The following PKD1L1 variants were observed in gnomAD, a reference collection of about 807,000 sequenced individuals.
The protein encoded by PKD1L1 is polycystin 1 like 1, transient receptor potential channel interacting.
PKD1L1 carries 236 observed loss-of-function variants against 323.4 expected under a neutral mutation model. The ratio of observed to expected loss-of-function variants is 0.73; its 90% CI spans 0.66 to 0.81. The LOEUF is 0.81. Among genes scored for constraint, PKD1L1 ranks in the 40% least tolerant of loss-of-function variants. The pLI is 0.00. For missense variants in PKD1L1, 3,320 were observed against 3,508.0 expected, an observed-to-expected ratio of 0.95 and a Z score of 1.35; for synonymous variants, 1,344 against 1,335.0, an observed-to-expected ratio of 1.01 and a Z score of -0.15.
intron 15 of PKD1L1, among the ~76,000 whole-genome samples, chr7:47,893,101 G>A (rs1035954892): frequency 1.4e-4 from 21 of 151,800 alleles, no homozygotes; most frequent in Admixed American, 1.2e-3. Context: ...ATGGTGGCGC[G>A]CATCTGTAGT....
intron 17 of PKD1L1, among the ~76,000 whole-genome samples, chr7:47,887,333 C>T (rs1204698033): frequency 6.6e-6 from 1 of 152,194 alleles, no homozygotes; most frequent in Non-Finnish European, 1.5e-5. Context: ...AATAAAGCTC[C>T]TCTGTTTGCC....
chr7:47,795,816 C>G (rs1784511339), intron 55 of PKD1L1, among the ~76,000 whole-genome samples, 173 bp downstream of exon 55: 1 of 152,138 alleles, frequency 6.6e-6, no homozygotes, highest in South Asian at 2.1e-4. Flanking sequence ...TTTAGAATTG[C>G]ACGGGAAAAT....
intron 21 of PKD1L1, among the ~76,000 whole-genome samples, chr7:47,879,569 G>T (rs1258802463): frequency 7.1e-6 from 1 of 140,574 alleles, no homozygotes; most frequent in African/African-American, 2.7e-5. Context: ...GGAGGTGGAG[G>T]TTGCAGTGAG....
At chr7:47,943,201 T>C (rs535771275) in intron 2 of PKD1L1, among the ~76,000 whole-genome samples, 195 bp downstream of exon 2, 3 of 146,690 alleles carry the variant, frequency 2.0e-5, no homozygotes, top group African/African-American at 7.5e-5. Flanking sequence ...TATATATGTG[T>C]GTGTACCATC....
rs562867844 is a variant in PKD1L1, at chr7:47,793,124, C to T, written c.8356-327G>A. Among the ~76,000 whole-genome samples, 2 of 152,018 alleles carry T rather than the reference C, an allele frequency of 1.3e-5. 1 individual carries two copies. Among genetic ancestry groups the T allele is most frequent in the South Asian group, 4.2e-4 (2 of 4,788 alleles). ...GGAAAATAAGGTCATTCTTTCATCC[C>T]TTCGATTAATAAATCTTTATTGAGC... On this transcript the variant is annotated intron_variant, in intron 55 of 56. Transcript: ENST00000289672.
chr7:47,783,496 T>C lies in PKD1L1; in HGVS notation c.8527-8330A>G, dbSNP rs553612818. Among the ~76,000 whole-genome samples the C allele has an allele frequency of 1.7e-3, 253 of 152,366 alleles. 1 individual carries two copies. The highest frequency in any genetic ancestry group is 5.4e-3 in the African/African-American group (225 of 41,588). On this transcript the variant is annotated intron_variant, in intron 56 of 56. Transcript: ENST00000289672. ...TTAAATGTATTTGTTTTGGGTTGAA[T>C]TGTTCTTCCTCCAGAACAAAAAAGG...
At chr7:47,875,985 T>A in intron 23 of PKD1L1, 112 bp downstream of exon 23, 1 of 1,201,582 alleles carries the variant, frequency 8.3e-7, no homozygotes, top group Middle Eastern at 2.0e-4. Context: ...AGCATTAAAC[T>A]GATCAAGGTG....
intron 51 of PKD1L1, 106 bp from the exon 52 acceptor site, chr7:47,808,493 C>T: frequency 7.4e-7 from 1 of 1,355,822 alleles, no homozygotes; most frequent in Non-Finnish European, 1.0e-6. Context: ...CACTTAACTA[C>T]AGGGATGCCT....
chr7:47,861,281 T>C (rs528678136), intron 26 of PKD1L1, among the ~76,000 whole-genome samples: 72 of 152,144 alleles, frequency 4.7e-4, no homozygotes, highest in Admixed American at 9.8e-4. Flanking sequence ...CAAAAAGAAA[T>C]TACAAATCAA....
intron 7 of PKD1L1, among the ~76,000 whole-genome samples, chr7:47,920,415 A>G (rs1158528287): frequency 6.6e-6 from 1 of 152,236 alleles, no homozygotes; most frequent in African/African-American, 2.4e-5. Context: ...ATGGAAACAC[A>G]TCCCATGCTC....
chr7:47,808,213 C>T lies in PKD1L1; in HGVS notation c.7827+34G>A, dbSNP rs141060162. The T allele has an allele frequency of 1.4e-3, 2,220 of 1,611,364 alleles. 3 individuals are homozygous for T. The highest frequency in any genetic ancestry group is 1.8e-3 in the Non-Finnish European group (2,070 of 1,178,018). ...TTTTGGATGGCATCACAGTGCATGGCCTCTATCTGCATGGCCCTGAGCACA... is the reference window on the plus strand; with the variant it reads ...TTTTGGATGGCATCACAGTGCATGGTCTCTATCTGCATGGCCCTGAGCACA... On this transcript the variant is annotated intron_variant, in intron 52 of 56. Transcript: ENST00000289672.
rs559248483 is a variant in PKD1L1, at chr7:47,803,169, G to A, written c.7962+41C>T. 1.9e-4 allele frequency: 308 copies of A among 1,612,210 alleles called. 3 individuals are homozygous for A. In the South Asian group the frequency reaches 3.2e-3, roughly 17 times the overall value. On this transcript the variant is annotated intron_variant, in intron 53 of 56. Coordinates refer to ENST00000289672, the MANE Select transcript of PKD1L1 (RefSeq NM_138295.5). ...AGGCTGACGAGTACACAGATCAATG[G>A]TTTACAAGGGAAATCACCTGATAAA...
chr7:47,936,370 G>A (rs943273610), intron 4 of PKD1L1, among the ~76,000 whole-genome samples: 8 of 152,194 alleles, frequency 5.3e-5, no homozygotes, highest in South Asian at 4.2e-4. Flanking sequence ...TCCTTTCAGT[G>A]TCTATGAATG....
intron 54 of PKD1L1, among the ~76,000 whole-genome samples, chr7:47,797,563 C>T (rs974679238): frequency 6.6e-6 from 1 of 152,230 alleles, no homozygotes; most frequent in Admixed American, 6.5e-5. Context: ...CACCCAGAGA[C>T]CTCAATGCAA....
intron 45 of PKD1L1, among the ~76,000 whole-genome samples, chr7:47,822,902 ATTGAC>A: frequency 6.6e-6 from 1 of 150,506 alleles, no homozygotes; most frequent in Admixed American, 6.6e-5. Flanking sequence ...ACTTTTTTAT[ATTGAC>A]TTGTGTCTTG....
chr7:47,880,829 G>A, intron 20 of PKD1L1, 24 bp from the exon 21 acceptor site: 1 of 1,574,480 alleles, frequency 6.4e-7, no homozygotes, highest in South Asian at 1.1e-5. Flanking sequence ...ATGGCTGCAT[G>A]GAAATGACAG....
intron 43 of PKD1L1, 116 bp downstream of exon 43, chr7:47,829,924 C>G: frequency 6.1e-6 from 6 of 987,250 alleles, no homozygotes; most frequent in Non-Finnish European, 9.4e-6. Flanking sequence ...CCAACCACAG[C>G]TGAAATCAGG....
At position 47,809,528 on chromosome 7, in the gene PKD1L1, C is replaced by A. The variant is rs746091037; in HGVS notation, c.7631G>T (p.Arg2544Leu). 6.8e-6 allele frequency: 11 copies of A among 1,609,294 alleles called. No individual in the cohort carries two copies. The highest frequency in any genetic ancestry group is 5.3e-5 in the African/African-American group (4 of 74,848). The change falls in exon 51 of 57, where the codon CGT becomes CTT. Residue 2544 changes from arginine to leucine, a missense_variant. Coordinates refer to ENST00000289672, the MANE Select transcript of PKD1L1 (RefSeq NM_138295.5). ...SLIHLCVQLY[R>L]MMDKGVLSYW... Reference sequence around the variant, plus strand: ...GCTGAGGACGCCCTTGTCCATCATACGGTAGAGTTGAACACAGAGGTGGAT... The same window carrying A: ...GCTGAGGACGCCCTTGTCCATCATAAGGTAGAGTTGAACACAGAGGTGGAT...
intron 24 of PKD1L1, among the ~76,000 whole-genome samples, chr7:47,867,185 G>A (rs752596519): frequency 6.6e-6 from 1 of 152,038 alleles, no homozygotes; most frequent in South Asian, 2.1e-4. Flanking sequence ...CACCGCAGTG[G>A]GTCATTGCAA....
Sources: allele counts gnomAD v4.1 joint callset (sites outside exome capture counted in the v4.1 genomes callset), GRCh38; gene constraint gnomAD v4.1.1; transcripts MANE v1.5; gene names NCBI Gene and HGNC (gene_info 2026-07-23, HGNC 2026-07-21).